Variants in NKAIN2 observed in about 807,000 individuals in gnomAD.
The protein encoded by NKAIN2 is sodium/potassium-transporting ATPase subunit beta-1-interacting protein 2.
NKAIN2 carries 14 observed loss-of-function variants against 32.6 expected under a neutral mutation model. The ratio of observed to expected loss-of-function variants is 0.43; its 90% CI spans 0.28 to 0.67. NKAIN2 has a LOEUF of 0.67. Ranked by LOEUF, NKAIN2 falls within the 30% of genes least tolerant of loss-of-function variation. The probability of loss-of-function intolerance (pLI) is 0.17; values close to 1 mark genes in which losing one functional copy is unlikely to be tolerated. For missense variants in NKAIN2, 198 were observed against 258.3 expected (o/e 0.77, Z 1.60); for synonymous variants, 80 against 87.2 (o/e 0.92, Z 0.46).
At chr6:124,736,292 A>G (rs1776936232) in intron 4 of NKAIN2, among the ~76,000 whole-genome samples, 1 of 151,950 alleles carries the variant, frequency 6.6e-6, no homozygotes, top group Non-Finnish European at 1.5e-5. Flanking sequence ...TTAGTTCATG[A>G]GGTTTAAGGC....
At chr6:124,293,950 G>A (rs1795933530) in intron 2 of NKAIN2, among the ~76,000 whole-genome samples, 1 of 152,130 alleles carries the variant, frequency 6.6e-6, no homozygotes, top group Admixed American at 6.6e-5. Context: ...AACTGATAAT[G>A]TGAATCAATG....
intron 1 of NKAIN2, among the ~76,000 whole-genome samples, chr6:124,165,948 G>A (rs1788516205): frequency 1.9e-5 from 2 of 103,922 alleles, no homozygotes; most frequent in Non-Finnish European, 1.9e-5. Flanking sequence ...CCAAGTCTTT[G>A]CTATTGTGAA....
intron 3 of NKAIN2, among the ~76,000 whole-genome samples, chr6:124,614,343 G>A (rs971631331): frequency 2.6e-5 from 4 of 152,090 alleles, no homozygotes; most frequent in Non-Finnish European, 4.4e-5. Context: ...GCAGTGAGGC[G>A]AGATGGTGCC....
At chr6:124,572,948 T>C (rs530765848) in intron 3 of NKAIN2, among the ~76,000 whole-genome samples, 2 of 152,212 alleles carry the variant, frequency 1.3e-5, no homozygotes, top group South Asian at 4.2e-4. Flanking sequence ...CAAGCAATTC[T>C]CATGCCTCAG....
chr6:124,762,319 T>C (rs1481129804), intron 4 of NKAIN2, among the ~76,000 whole-genome samples: 1 of 152,088 alleles, frequency 6.6e-6, no homozygotes, highest in East Asian at 1.9e-4. Flanking sequence ...ATAAGGACAT[T>C]AGTCAGATTG....
chr6:124,738,238 G>T (rs1025162015), intron 4 of NKAIN2, among the ~76,000 whole-genome samples: 5 of 151,734 alleles, frequency 3.3e-5, no homozygotes, highest in Admixed American at 6.6e-5. Flanking sequence ...AAAATTGACT[G>T]CAATTTTAAA....
At chr6:124,280,029 A>G (rs2077067428) in intron 1 of NKAIN2, among the ~76,000 whole-genome samples, 3 of 152,192 alleles carry the variant, frequency 2.0e-5, no homozygotes, top group Non-Finnish European at 4.4e-5. Flanking sequence ...CAAAATTTAT[A>G]TACAGGAAAA....
chr6:124,502,052 C>T (rs918030533), intron 3 of NKAIN2, among the ~76,000 whole-genome samples: 10 of 151,896 alleles, frequency 6.6e-5, no homozygotes, highest in Non-Finnish European at 1.2e-4. Context: ...TGGAGTGAGC[C>T]GAGATAGCAC....
intron 6 of NKAIN2, chr6:124,819,194 T>C (rs978716377): frequency 2.4e-5 from 17 of 704,146 alleles, no homozygotes; most frequent in Middle Eastern, 7.1e-4. Flanking sequence ...CAATTCATTT[T>C]AAAATGTGAA....
At chr6:123,844,447 A>G (rs917151920) in intron 1 of NKAIN2, among the ~76,000 whole-genome samples, 89 of 152,076 alleles carry the variant, frequency 5.9e-4, no homozygotes, top group African/African-American at 2.0e-3. Flanking sequence ...ATCCCCTTTA[A>G]CTGCTGACAT....
intron 3 of NKAIN2, among the ~76,000 whole-genome samples, chr6:124,586,697 C>T (rs1781723859): frequency 6.6e-6 from 1 of 151,940 alleles, no homozygotes. Context: ...TAGATATTTT[C>T]CTAAGTGAAA....
At chr6:124,635,150 A>G (rs1056380163) in intron 3 of NKAIN2, among the ~76,000 whole-genome samples, 2 of 152,060 alleles carry the variant, frequency 1.3e-5, no homozygotes, top group Admixed American at 1.3e-4. Context: ...GCTATTCTTC[A>G]GAATTGAAGG....
intron 1 of NKAIN2, among the ~76,000 whole-genome samples, chr6:124,108,357 A>T (rs1041227607): frequency 1.3e-5 from 2 of 152,046 alleles, no homozygotes; most frequent in Admixed American, 6.6e-5. Context: ...CCCATATTTT[A>T]CTTGGGTGAA....
chr6:124,766,321 C>A (rs537145154), intron 4 of NKAIN2, among the ~76,000 whole-genome samples: 1 of 152,050 alleles, frequency 6.6e-6, no homozygotes, highest in African/African-American at 2.4e-5. Flanking sequence ...CCAAAATGAG[C>A]GGAAGAGGAC....
intron 1 of NKAIN2, among the ~76,000 whole-genome samples, chr6:123,865,406 T>A (rs1031408635): frequency 5.9e-5 from 9 of 152,156 alleles, no homozygotes; most frequent in Non-Finnish European, 1.0e-4. Flanking sequence ...TAAAATGGCA[T>A]CTATTCCAGT....
At chr6:123,881,820 A>C (rs1357434593) in intron 1 of NKAIN2, among the ~76,000 whole-genome samples, 3 of 152,186 alleles carry the variant, frequency 2.0e-5, no homozygotes, top group Non-Finnish European at 4.4e-5. Flanking sequence ...CAAACTCATA[A>C]ATATGTTAGA....
intron 3 of NKAIN2, among the ~76,000 whole-genome samples, chr6:124,516,756 T>G (rs1778930700): frequency 6.6e-6 from 1 of 152,134 alleles, no homozygotes; most frequent in African/African-American, 2.4e-5. Context: ...CACACTGTGC[T>G]CCCAAATACT....
rs73567550 is a variant in NKAIN2, at chr6:124,548,439, C to A, written c.274-109747C>A. Among the ~76,000 whole-genome samples the A allele has an allele frequency of 2.6e-3, 395 of 152,186 alleles. 2 individuals carry two copies. The highest frequency in any genetic ancestry group is 9.2e-3 in the African/African-American group (380 of 41,528). On this transcript the variant is annotated intron_variant, in intron 3 of 6. Transcript: ENST00000368417. ...TAAAATTCTTAGTGGATCAAATCAC[C>A]CTTTTCACCAAAAGGGAAGCGTGGT...
At chr6:124,471,734 T>A (rs1776981951) in intron 3 of NKAIN2, among the ~76,000 whole-genome samples, 1 of 152,182 alleles carries the variant, frequency 6.6e-6, no homozygotes. Context: ...AATGAGAAGT[T>A]CTTTTAATTA....
Sources: allele counts gnomAD v4.1 joint callset (sites outside exome capture counted in the v4.1 genomes callset), GRCh38; gene constraint gnomAD v4.1.1; transcripts MANE v1.5; gene names NCBI Gene and HGNC (gene_info 2026-07-23, HGNC 2026-07-21).